The following CACNA1I variants were observed in gnomAD, a reference collection of about 807,000 sequenced individuals.
CACNA1I encodes calcium voltage-gated channel subunit alpha1 I, also known as voltage-dependent T-type calcium channel subunit alpha-1I.
A neutral mutation model predicts 201.6 loss-of-function variants in CACNA1I; 74 were observed. The ratio of observed to expected loss-of-function variants is 0.37; its 90% CI spans 0.30 to 0.45. The LOEUF is 0.45. CACNA1I is among the 20% of genes least tolerant of loss of function. CACNA1I has a pLI of 1.00. For synonymous variants in CACNA1I, 1,431 were observed against 1,345.2 expected, an observed-to-expected ratio of 1.06 and a Z score of -1.40; for missense variants, 2,346 against 3,138.1, an observed-to-expected ratio of 0.75 and a Z score of 6.03.
rs755460093 is a variant in CACNA1I at position 39,679,703 on chromosome 22, C to A, written c.5395-19C>A. 2.5e-6 allele frequency: 4 copies of A among 1,603,526 alleles called. No individual in the cohort carries two copies. In the Admixed American group the frequency reaches 6.7e-5, roughly 27 times the overall value. On this transcript the variant is annotated intron_variant, in intron 32 of 36. Transcript: ENST00000402142. ...GGCTGATAATCCCGCCTGTCCCCAC[C>A]CCGTCCCCGTCCGCCTAGGAGAACC...
intron 3 of CACNA1I, among the ~76,000 whole-genome samples, chr22:39,611,706 A>G (rs564021720): frequency 2.6e-5 from 4 of 152,244 alleles, no homozygotes; most frequent in East Asian, 3.9e-4. Context: ...TTATCTGGCA[A>G]CTCTACCCAG....
rs1354364081 is a variant in CACNA1I at position 39,648,528 on chromosome 22, G to A, written c.1567+602G>A. ...GGAAGGGCTTTGGGCCTGTCCTCCG[G>A]GGTGAGATGGGACTGACCCCTGGGT... is the stretch of plus-strand genomic sequence containing the variant. On this transcript the variant is annotated intron_variant, in intron 9 of 36. Coordinates refer to ENST00000402142, the MANE Select transcript of CACNA1I (RefSeq NM_021096.4). The surrounding 1 kb of genome is among the most constrained non-coding windows in gnomAD (Gnocchi z 5.4). 2.0e-5 allele frequency among the ~76,000 whole-genome samples: 3 copies of A among 152,128 alleles called. No individual in the cohort carries two copies. The highest frequency in any genetic ancestry group is 4.4e-5 in the Non-Finnish European group (3 of 68,016).
chr22:39,670,811 C>T lies in CACNA1I; in HGVS notation c.4396C>T (p.Arg1466Trp), dbSNP rs758099810. 13 of 1,613,732 alleles carry T rather than the reference C, an allele frequency of 8.1e-6. No individual in the cohort carries two copies. Among genetic ancestry groups the T allele is most frequent in the East Asian group, 2.2e-5 (1 of 44,900 alleles). ...CCCTGCACCACCTGCAGAGGCCCAG[C>T]GGCTGCCCTACTATGCCACCTATTG... ...RLEKKRRKAQ[R>W]LPYYATYCHT... Residue 1466 changes from arginine to tryptophan, a missense_variant, in exon 26 of 37, where the codon CGG becomes TGG. Physicochemically the swap from Arg to Trp is moderately radical, Grantham distance 101. Transcript: ENST00000402142.
At position 39,662,809 on chromosome 22, in the gene CACNA1I, G is replaced by A. The variant is rs945362297; in HGVS notation, c.3406G>A (p.Val1136Ile). 6 of 1,600,410 alleles carry A rather than the reference G, an allele frequency of 3.7e-6. 1 individual carries two copies. The African/African-American group carries it at 5.4e-5, about 14-fold the overall frequency. ...CTTCCGCGTCCGCAAGATGATCGAC[G>A]TCTATAAGCCCGACTGGTGCGAGGT... ...LCFRVRKMID[V>I]YKPDWCEVRE... Residue 1136 changes from valine (V) to isoleucine (I), a missense_variant, in exon 18 of 37, where the codon GTC becomes ATC. Val to Ile is a conservative substitution (Grantham distance 29). Around this residue, in one of 13 missense-constraint regions of CACNA1I, gnomAD observed 158 missense variants for 231.6 expected, o/e 0.68. Coordinates refer to ENST00000402142, the MANE Select transcript of CACNA1I (RefSeq NM_021096.4).
Position 39,662,534 on chromosome 22 carries a change from G to C in CACNA1I, c.3372+99G>C, listed in dbSNP as rs540010692. ...GGGCCCGAGCGGGCGGGCCCACGGGGGGCGTGGCCGGGGCGTGGCCGGAGC... is the reference window on the plus strand; with the variant it reads ...GGGCCCGAGCGGGCGGGCCCACGGGCGGCGTGGCCGGGGCGTGGCCGGAGC... On this transcript the variant is annotated intron_variant, in intron 17 of 36. Coordinates refer to ENST00000402142, the MANE Select transcript of CACNA1I (RefSeq NM_021096.4). 4.0e-5 allele frequency: 37 copies of C among 932,238 alleles called. No homozygotes were observed. In the South Asian group the frequency reaches 6.8e-4, roughly 17 times the overall value. 57.7% of individuals were successfully genotyped at this position (932,238 alleles called of 1,614,324 possible).
Position 39,642,890 on chromosome 22 carries a change from G to GT in CACNA1I, c.1149+2dup. The GT allele has an allele frequency of 1.3e-6, 2 of 1,591,086 alleles. No individual in the cohort carries two copies. The highest frequency in any genetic ancestry group is 1.7e-6 in the Non-Finnish European group (2 of 1,163,746). On this transcript the variant is annotated splice_donor_variant, in intron 7 of 36. Transcript: ENST00000402142. LOFTEE classifies it high-confidence loss of function. ...CATCTACTTCATCCTGCTTATCATAGTAAGTGTCAGGGAGCCTGGGCTCCT... is the reference window on the plus strand; with the variant it reads ...CATCTACTTCATCCTGCTTATCATAGTTAAGTGTCAGGGAGCCTGGGCTCCT...
chr22:39,659,329 C>A lies in CACNA1I; in HGVS notation c.2331-104C>A. Reference sequence around the variant, plus strand: ...GTAAAATGGGACCAACGCTGCCCCGCCTCCCCCTGCCCTGCATTTTACTGA... The same window carrying A: ...GTAAAATGGGACCAACGCTGCCCCGACTCCCCCTGCCCTGCATTTTACTGA... On this transcript the variant is annotated intron_variant, in intron 12 of 36. Transcript: ENST00000402142. This position sits in a 1 kb window ranked among gnomAD's most constrained non-coding sequence, Gnocchi z 4.3. 1 of 961,090 alleles carries A rather than the reference C, an allele frequency of 1.0e-6. No homozygotes were observed. Among genetic ancestry groups the A allele is most frequent in the Non-Finnish European group, 1.6e-6 (1 of 623,514 alleles). The allele number at this position is 961,090 out of a possible 1,614,324, so 59.5% of individuals were successfully genotyped here.
chr22:39,623,459 T>C (rs1933808987), intron 4 of CACNA1I, among the ~76,000 whole-genome samples: 1 of 151,168 alleles, frequency 6.6e-6, no homozygotes, highest in African/African-American at 2.4e-5. Context: ...AAAGTGTGTG[T>C]GTTGTGAGGG....
At chr22:39,593,707 T>C (rs1331591505) in intron 1 of CACNA1I, among the ~76,000 whole-genome samples, 1 of 152,176 alleles carries the variant, frequency 6.6e-6, no homozygotes, top group East Asian at 1.9e-4. Flanking sequence ...TTCAGGCAGA[T>C]TAGCCTGGCA....
At chr22:39,619,249 C>T (rs932322995) in intron 3 of CACNA1I, 61 bp from the exon 4 acceptor site, 2 of 1,326,188 alleles carry the variant, frequency 1.5e-6, no homozygotes, top group Non-Finnish European at 2.2e-6. Flanking sequence ...ATGCTGTGGC[C>T]CGGGCCCTGG....
At chr22:39,572,851 G>C (rs1932231340) in intron 1 of CACNA1I, among the ~76,000 whole-genome samples, 1 of 152,036 alleles carries the variant, frequency 6.6e-6, no homozygotes, top group Non-Finnish European at 1.5e-5. Flanking sequence ...CCGCCTCCCA[G>C]GTTCAAGCAA....
At position 39,658,851 on chromosome 22, in the gene CACNA1I, T is replaced by C. The variant is rs139452032; in HGVS notation, c.2145-80T>C. On this transcript the variant is annotated intron_variant, in intron 11 of 36. Transcript: ENST00000402142. ...GAAGCTCTGTCTCTCTGTTTTCCCTTCTCCCTCTGTCTTCCTCTCCCCCTG... is the reference window on the plus strand; with the variant it reads ...GAAGCTCTGTCTCTCTGTTTTCCCTCCTCCCTCTGTCTTCCTCTCCCCCTG... 3,418 of 1,210,664 alleles carry C rather than the reference T, an allele frequency of 2.8e-3. 83 individuals carry two copies. The African/African-American group carries it at 0.044, about 15-fold the overall frequency. 75.0% of individuals were successfully genotyped at this position (1,210,664 alleles called of 1,614,324 possible).
rs771184662 is a variant in CACNA1I at position 39,679,857 on chromosome 22, G to A, written c.5530G>A (p.Asp1844Asn). The A allele has an allele frequency of 9.3e-6, 15 of 1,612,108 alleles. No individual in the cohort carries two copies. Among genetic ancestry groups the A allele is most frequent in the East Asian group, 8.9e-5 (4 of 44,842 alleles). Residue 1844 changes from aspartate (D) to asparagine (N), a missense_variant, in exon 33 of 37, where the codon GAC becomes AAC. Physicochemically the swap from Asp to Asn is conservative, Grantham distance 23. This residue lies in a region of CACNA1I where 441 missense variants were observed against 555.6 expected (regional missense o/e 0.79). Transcript: ENST00000402142. Reference sequence around the variant, plus strand: ...TGCCGGCTGCAAGAAGTGTCACCACGACAAGCAAGAGGTAATGGCAGCCCG... The same window carrying A: ...TGCCGGCTGCAAGAAGTGTCACCACAACAAGCAAGAGGTAATGGCAGCCCG... ...SPAGCKKCHH[D>N]KQEVQLAETE...
At chr22:39,584,130 G>A (rs1473734307) in intron 1 of CACNA1I, among the ~76,000 whole-genome samples, 3 of 152,214 alleles carry the variant, frequency 2.0e-5, no homozygotes, top group Non-Finnish European at 4.4e-5. Context: ...GAGGATATGA[G>A]GCTACAGGAG....
At chr22:39,642,759 G>T in intron 6 of CACNA1I, 38 bp from the exon 7 acceptor site, 2 of 1,478,146 alleles carry the variant, frequency 1.4e-6, no homozygotes, top group Non-Finnish European at 1.9e-6. Flanking sequence ...TTTCTGATGG[G>T]CCAGTCCTCT....
Position 39,677,722 on chromosome 22 carries a change from C to T in CACNA1I, c.4934-265C>T, listed in dbSNP as rs1935557702. ...CGGGATGGCTCCAGAAAGCAGGGTT[C>T]CCCGAGGGGCTGGCCCTCACCCCAT... On this transcript the variant is annotated intron_variant, in intron 30 of 36. Transcript: ENST00000402142. This position sits in a 1 kb window ranked among gnomAD's most constrained non-coding sequence, Gnocchi z 4.8. Among the ~76,000 whole-genome samples, 1 of 152,212 alleles carries T rather than the reference C, an allele frequency of 6.6e-6. No individual in the cohort carries two copies. The highest frequency in any genetic ancestry group is 2.4e-5 in the African/African-American group (1 of 41,454).
At chr22:39,573,510 T>G (rs2145795818) in intron 1 of CACNA1I, among the ~76,000 whole-genome samples, 1 of 152,028 alleles carries the variant, frequency 6.6e-6, no homozygotes, top group Non-Finnish European at 1.5e-5. Context: ...CTGGGCAGTC[T>G]CCTCTCTCTG....
chr22:39,638,881 A>G (rs528784197), intron 5 of CACNA1I, among the ~76,000 whole-genome samples: 1 of 152,298 alleles, frequency 6.6e-6, no homozygotes, highest in East Asian at 1.9e-4. Flanking sequence ...CACAACCTAG[A>G]TCTCTTGAGT....
At position 39,600,516 on chromosome 22, in the gene CACNA1I, G is replaced by T. The variant is rs1933002250; in HGVS notation, c.349-4G>T. 9 of 1,610,940 alleles carry T rather than the reference G, an allele frequency of 5.6e-6. No homozygotes were observed. The highest frequency in any genetic ancestry group is 7.6e-6 in the Non-Finnish European group (9 of 1,178,612). ...CCCTTGCTTCCCTCCTCCTGCCCCTGCAGGTCTTTGATGACTTCATCTTTA... is the reference window on the plus strand; with the variant it reads ...CCCTTGCTTCCCTCCTCCTGCCCCTTCAGGTCTTTGATGACTTCATCTTTA... On this transcript the variant is annotated splice_region_variant and splice_polypyrimidine_tract_variant and intron_variant, in intron 2 of 36. Coordinates refer to ENST00000402142, the MANE Select transcript of CACNA1I (RefSeq NM_021096.4).
Sources: allele counts gnomAD v4.1 joint callset (sites outside exome capture counted in the v4.1 genomes callset), GRCh38; gene constraint gnomAD v4.1.1; regional missense constraint gnomAD v4.1.1; non-coding constraint Gnocchi (gnomAD v3.1); transcripts MANE v1.5; gene names NCBI Gene and HGNC (gene_info 2026-07-23, HGNC 2026-07-21).